Variants in LYPD6B observed in about 807,000 individuals in gnomAD.
LYPD6B encodes LY6/PLAUR domain containing 6B.
In LYPD6B, 17 loss-of-function variants were observed where a neutral mutation model predicts 22.8. The ratio of observed to expected loss-of-function variants is 0.75; its 90% CI spans 0.51 to 1.12. The LOEUF (loss-of-function observed/expected upper bound fraction) is 1.12. LYPD6B is among the 50% of genes most tolerant of loss of function. The probability of loss-of-function intolerance (pLI) is 0.00; values close to 1 mark genes in which losing one functional copy is unlikely to be tolerated. For synonymous variants in LYPD6B, 106 were observed against 91.6 expected, an observed-to-expected ratio of 1.16 and a Z score of -0.90; for missense variants, 221 against 258.3, an observed-to-expected ratio of 0.86 and a Z score of 0.99.
intron 1 of LYPD6B, among the ~76,000 whole-genome samples, chr2:149,054,921 C>T (rs1229326886): frequency 6.6e-6 from 1 of 151,698 alleles, no homozygotes; most frequent in Non-Finnish European, 1.5e-5. Flanking sequence ...TCCTATTTAT[C>T]TATTTTTTTT....
rs113246037 is a variant in LYPD6B, at chr2:149,168,472, C to T, written c.77+7637C>T. On this transcript the variant is annotated intron_variant, in intron 3 of 6. Coordinates refer to ENST00000409642, the MANE Select transcript of LYPD6B (RefSeq NM_177964.5). ...CTTTAACCTGCCCTTGAAATTTCAT[C>T]CTTAGAAAGTCTTTCTAGAATGGAG... 3.3e-3 allele frequency among the ~76,000 whole-genome samples: 508 copies of T among 152,244 alleles called. 5 individuals are homozygous for T. The highest frequency in any genetic ancestry group is 0.012 in the African/African-American group (489 of 41,556).
chr2:149,196,301 T>C (rs1452205364), intron 3 of LYPD6B, among the ~76,000 whole-genome samples: 1 of 152,216 alleles, frequency 6.6e-6, no homozygotes, highest in Non-Finnish European at 1.5e-5. Flanking sequence ...GAATAATCTG[T>C]TCTGGATTTT....
intron 3 of LYPD6B, among the ~76,000 whole-genome samples, chr2:149,201,032 C>T (rs1050873753): frequency 1.1e-4 from 16 of 152,176 alleles, no homozygotes; most frequent in East Asian, 1.9e-4. Flanking sequence ...TTTTGAGCTA[C>T]GCTTGAAGTC....
chr2:149,116,457 A>G (rs1687010133), intron 1 of LYPD6B, among the ~76,000 whole-genome samples: 1 of 152,176 alleles, frequency 6.6e-6, no homozygotes, highest in Non-Finnish European at 1.5e-5. Context: ...AGAATTCTTA[A>G]AATTGTTAAT....
intron 3 of LYPD6B, among the ~76,000 whole-genome samples, chr2:149,189,407 G>A (rs1297151021): frequency 2.8e-5 from 3 of 107,008 alleles, no homozygotes; most frequent in African/African-American, 1.0e-4. Context: ...ATGTTAAATA[G>A]TAATTTAGTT....
rs1420449578 is a variant in LYPD6B, at chr2:149,055,572, A to T, written c.-67+16771A>T. On this transcript the variant is annotated intron_variant, in intron 1 of 6. Transcript: ENST00000409642. ...TTCATTCCTTTCAATGATGTTTTATAATTTTCTGCTTACAAGTTATGCACT... is the reference window on the plus strand; with the variant it reads ...TTCATTCCTTTCAATGATGTTTTATTATTTTCTGCTTACAAGTTATGCACT... Among the ~76,000 whole-genome samples the T allele has an allele frequency of 2.0e-5, 3 of 152,132 alleles. No individual in the cohort carries two copies. In the East Asian group the frequency reaches 5.8e-4, roughly 29 times the overall value.
chr2:149,111,709 A>G (rs1686766503), intron 1 of LYPD6B, among the ~76,000 whole-genome samples: 3 of 152,312 alleles, frequency 2.0e-5, no homozygotes, highest in South Asian at 4.1e-4. Context: ...TCATCAGCAT[A>G]TAGAAGGCAT....
At chr2:149,074,978 C>A (rs916664333) in intron 1 of LYPD6B, among the ~76,000 whole-genome samples, 27 of 152,178 alleles carry the variant, frequency 1.8e-4, no homozygotes, top group African/African-American at 6.0e-4. Flanking sequence ...TGTTAATATA[C>A]AATATAGTGT....
At chr2:149,098,281 A>G (rs1216042370) in intron 1 of LYPD6B, among the ~76,000 whole-genome samples, 1 of 152,132 alleles carries the variant, frequency 6.6e-6, no homozygotes, top group Non-Finnish European at 1.5e-5. Flanking sequence ...TGTTGTTGAA[A>G]TCTGCTTTCT....
At chr2:149,052,917 T>C (rs944505204) in intron 1 of LYPD6B, among the ~76,000 whole-genome samples, 2 of 152,208 alleles carry the variant, frequency 1.3e-5, no homozygotes, top group Admixed American at 6.5e-5. Flanking sequence ...TTCTTCTCTA[T>C]TGGCTTGTTT....
intron 2 of LYPD6B, among the ~76,000 whole-genome samples, chr2:149,155,649 G>A (rs73017059): frequency 0.13 from 20,475 of 152,172 alleles, 1,585 homozygotes; most frequent in Non-Finnish European, 0.16. Flanking sequence ...CAGGCTAAGT[G>A]ATCCCTCATT....
chr2:149,039,911 T>C (rs1390334085), intron 1 of LYPD6B, among the ~76,000 whole-genome samples: 2 of 152,208 alleles, frequency 1.3e-5, no homozygotes, highest in East Asian at 1.9e-4. Flanking sequence ...TGGGTTTTGG[T>C]CACTTGAAAA....
intron 1 of LYPD6B, among the ~76,000 whole-genome samples, chr2:149,054,060 G>C (rs887712624): frequency 6.6e-6 from 1 of 152,206 alleles, no homozygotes; most frequent in South Asian, 2.1e-4. Context: ...GCTTCTGTAA[G>C]CATTCATGTA....
At chr2:149,179,416 T>G (rs1005889934) in intron 3 of LYPD6B, among the ~76,000 whole-genome samples, 1 of 152,206 alleles carries the variant, frequency 6.6e-6, no homozygotes, top group African/African-American at 2.4e-5. Flanking sequence ...TTATGATGTA[T>G]AGAGAGCTGT....
At chr2:149,185,375 A>C (rs1254739674) in intron 3 of LYPD6B, among the ~76,000 whole-genome samples, 1 of 152,192 alleles carries the variant, frequency 6.6e-6, no homozygotes, top group Non-Finnish European at 1.5e-5. Flanking sequence ...GTGAGCTGGG[A>C]ACCTATCCCT....
intron 1 of LYPD6B, among the ~76,000 whole-genome samples, chr2:149,060,370 TA>T (rs1211278811): frequency 1.3e-5 from 2 of 152,176 alleles, no homozygotes; most frequent in Non-Finnish European, 2.9e-5. Context: ...AATAACTAAG[TA>T]AATTCACCTA....
chr2:149,187,636 G>C, intron 3 of LYPD6B: 1 of 993,338 alleles, frequency 1.0e-6, no homozygotes, highest in Non-Finnish European at 1.4e-6. Flanking sequence ...AGTAACTTAA[G>C]CAGGCTTGTC....
intron 3 of LYPD6B, among the ~76,000 whole-genome samples, chr2:149,203,285 C>A (rs191426353): frequency 3.3e-4 from 51 of 152,302 alleles, no homozygotes; most frequent in African/African-American, 1.2e-3. Flanking sequence ...GACACTGAAA[C>A]CTGTATCTTA....
intron 1 of LYPD6B, among the ~76,000 whole-genome samples, chr2:149,047,917 A>G (rs1326796790): frequency 6.6e-6 from 1 of 152,164 alleles, no homozygotes; most frequent in African/African-American, 2.4e-5. Flanking sequence ...CCACTGAAGA[A>G]TGCCTGTTGA....
Sources: allele counts gnomAD v4.1 joint callset (sites outside exome capture counted in the v4.1 genomes callset), GRCh38; gene constraint gnomAD v4.1.1; transcripts MANE v1.5; gene names NCBI Gene and HGNC (gene_info 2026-07-23, HGNC 2026-07-21).